Variants in SLCO6A1 observed in about 807,000 individuals in gnomAD.
SLCO6A1 encodes the protein cancer/testis antigen 48.
SLCO6A1 carries 65 observed loss-of-function variants against 72.7 expected under a neutral mutation model. The ratio of observed to expected loss-of-function variants is 0.89; its 90% confidence interval spans 0.73 to 1.10. The LOEUF is 1.10. SLCO6A1 is among the 50% of genes least tolerant of loss of function. The pLI, the probability that SLCO6A1 is intolerant of heterozygous loss-of-function variation, is 0.00. For synonymous variants in SLCO6A1, 314 were observed against 298.2 expected (o/e 1.05, Z -0.55); for missense variants, 874 against 872.6 (o/e 1.00, Z -0.02).
intron 12 of SLCO6A1, among the ~76,000 whole-genome samples, chr5:102,384,503 T>A (rs913466737): frequency 6.6e-6 from 1 of 152,060 alleles, no homozygotes; most frequent in Admixed American, 6.6e-5. Flanking sequence ...TTTTTTATAT[T>A]TTGATCAGAT....
chr5:102,469,641 A>T (rs972493178), intron 4 of SLCO6A1, among the ~76,000 whole-genome samples: 9 of 151,964 alleles, frequency 5.9e-5, no homozygotes, highest in Non-Finnish European at 2.9e-5. Context: ...GTAATTAAAT[A>T]CCCTTTATTT....
chr5:102,489,719 A>G (rs898160604), intron 1 of SLCO6A1, among the ~76,000 whole-genome samples: 5 of 152,230 alleles, frequency 3.3e-5, no homozygotes, highest in Middle Eastern at 3.2e-3. Flanking sequence ...AGAACTACCA[A>G]ATGATCCGGC....
chr5:102,388,581 T>C, intron 12 of SLCO6A1, 107 bp downstream of exon 12: 1 of 852,762 alleles, frequency 1.2e-6, no homozygotes, highest in Non-Finnish European at 1.7e-6. Flanking sequence ...CTCATCAAAG[T>C]ACTTATTTAA....
intron 8 of SLCO6A1, among the ~76,000 whole-genome samples, chr5:102,415,020 A>T (rs1374197443): frequency 6.6e-6 from 1 of 152,064 alleles, no homozygotes; most frequent in Non-Finnish European, 1.5e-5. Context: ...AAGGTGAAAG[A>T]TCTCTATAAG....
intron 6 of SLCO6A1, among the ~76,000 whole-genome samples, chr5:102,454,696 A>G (rs912503032): frequency 6.6e-6 from 1 of 152,072 alleles, no homozygotes; most frequent in East Asian, 1.9e-4. Flanking sequence ...AACTTAAAAC[A>G]AACAAAAAAA....
intron 10 of SLCO6A1, among the ~76,000 whole-genome samples, chr5:102,393,730 G>C (rs1162999584): frequency 1.3e-5 from 2 of 151,742 alleles, no homozygotes; most frequent in Non-Finnish European, 2.9e-5. Context: ...TCCTTAAAGT[G>C]CTCCTCCACT....
chr5:102,381,602 T>C (rs1002105061), intron 12 of SLCO6A1, among the ~76,000 whole-genome samples: 3 of 151,846 alleles, frequency 2.0e-5, no homozygotes, highest in Non-Finnish European at 3.0e-5. Flanking sequence ...AGTAGTGAGA[T>C]TGCTGGATCA....
chr5:102,412,885 C>CA (rs2112588321), intron 9 of SLCO6A1, 105 bp downstream of exon 9: 2 of 445,552 alleles, frequency 4.5e-6, no homozygotes, highest in East Asian at 9.8e-5. Flanking sequence ...ATAGCATCTA[C>CA]AAGTTGAACA....
At chr5:102,374,213 A>G (rs894051696) in intron 12 of SLCO6A1, among the ~76,000 whole-genome samples, 2 of 151,986 alleles carry the variant, frequency 1.3e-5, no homozygotes, top group Non-Finnish European at 2.9e-5. Context: ...GGGTTTTGCC[A>G]TGTTGCTCTC....
chr5:102,436,007 G>A (rs1337965820), intron 7 of SLCO6A1, among the ~76,000 whole-genome samples: 5 of 152,116 alleles, frequency 3.3e-5, no homozygotes. Context: ...CTACTACACA[G>A]ACTGATTACA....
rs60973292 is a variant in SLCO6A1 at position 102,460,899 on chromosome 5, CATATATATATATATATATATATATATAT to C, written c.900-1150_900-1123del. On this transcript the variant is annotated intron_variant, in intron 4 of 13. Coordinates refer to ENST00000506729, the MANE Select transcript of SLCO6A1 (RefSeq NM_173488.5). Reference sequence around the variant, plus strand: ...CTTGATTGTCATTACCCACTTATCTCATATATATATATATATATATATATATATATATATATATATATATATATATATA... The same window carrying C: ...CTTGATTGTCATTACCCACTTATCTCATATATATATATATATATATATATA... Among the ~76,000 whole-genome samples the C allele has an allele frequency of 3.0e-4, 39 of 130,292 alleles. 2 individuals are homozygous for C. The highest frequency in any genetic ancestry group is 1.6e-3 in the Admixed American group (19 of 11,754). The allele number at this position is 130,292 out of a possible 152,430, so 85.5% of individuals were successfully genotyped here.
chr5:102,400,278 T>C (rs868860009), intron 9 of SLCO6A1, among the ~76,000 whole-genome samples: 1 of 151,918 alleles, frequency 6.6e-6, no homozygotes, highest in Admixed American at 6.6e-5. Context: ...TTTTAAAGCA[T>C]TTTAAAATCA....
chr5:102,436,560 G>A (rs921022667), intron 7 of SLCO6A1, among the ~76,000 whole-genome samples: 1 of 152,162 alleles, frequency 6.6e-6, no homozygotes, highest in African/African-American at 2.4e-5. Context: ...TACAGGGAGT[G>A]TAATTCGCAA....
intron 7 of SLCO6A1, among the ~76,000 whole-genome samples, chr5:102,423,432 T>C (rs1243079175): frequency 6.6e-6 from 1 of 152,058 alleles, no homozygotes; most frequent in Non-Finnish European, 1.5e-5. Context: ...GAGGAATATT[T>C]ACCAAGCAAA....
intron 7 of SLCO6A1, among the ~76,000 whole-genome samples, chr5:102,431,024 A>G (rs1221894765): frequency 1.3e-5 from 2 of 152,044 alleles, no homozygotes; most frequent in Admixed American, 1.3e-4. Context: ...CAGTCTTGAG[A>G]GGCTTTATGT....
Position 102,431,806 on chromosome 5 carries a change from C to T in SLCO6A1, c.1276+6811G>A, listed in dbSNP as rs111978112. Among the ~76,000 whole-genome samples, 317 of 152,138 alleles carry T rather than the reference C, an allele frequency of 2.1e-3. 3 individuals are homozygous for T. The highest frequency in any genetic ancestry group is 7.2e-3 in the African/African-American group (301 of 41,558). The stretch of plus-strand genomic sequence containing the variant: ...CATCTTTGTTAATTTTCTGCCTTGA[C>T]AACCTTTCTAACACTTTCGGTGAGG... On this transcript the variant is annotated intron_variant, in intron 7 of 13. Transcript: ENST00000506729.
At chr5:102,379,937 A>G (rs1052016154) in intron 12 of SLCO6A1, among the ~76,000 whole-genome samples, 1 of 151,852 alleles carries the variant, frequency 6.6e-6, no homozygotes. Context: ...GTCAGTGTAG[A>G]CGTTTTGTAC....
chr5:102,407,737 T>C (rs767577668), intron 9 of SLCO6A1, among the ~76,000 whole-genome samples: 2 of 152,204 alleles, frequency 1.3e-5, no homozygotes, highest in African/African-American at 2.4e-5. Flanking sequence ...AAAGAATGTG[T>C]GAGGCCTGTG....
At position 102,373,404 on chromosome 5, in the gene SLCO6A1, T is replaced by C; in HGVS notation, c.2108A>G (p.Asp703Gly). 1 of 1,585,266 alleles carries C rather than the reference T, an allele frequency of 6.3e-7. No homozygotes were observed. The highest frequency in any genetic ancestry group is 8.6e-7 in the Non-Finnish European group (1 of 1,167,956). ...RRLNENTDFP[D>G]VTVKNPKVKK... ...AACTTTTGGATTCTTCACAGTTACA[T>C]CTGGGAAGTCAGTGTTCTCATTTAG... Residue 703 changes from aspartate (D) to glycine (G), a missense_variant, in exon 13 of 14, where the codon GAT (aspartate) becomes GGT (glycine). By Grantham distance (94) the Asp-to-Gly change is moderately conservative (BLOSUM62 -1). Coordinates refer to ENST00000506729, the MANE Select transcript of SLCO6A1 (RefSeq NM_173488.5).
Sources: gnomAD v4.1 joint callset for allele counts (sites outside exome capture counted in the v4.1 genomes callset) on GRCh38, gnomAD v4.1.1 for gene constraint, MANE v1.5 for transcripts, NCBI Gene and HGNC (gene_info 2026-07-23, HGNC 2026-07-21) for gene names.